Variants in CSDE1 observed in about 807,000 individuals in gnomAD.
CSDE1 encodes cold shock domain containing E1.
In CSDE1, 17 loss-of-function variants were observed where a neutral mutation model predicts 89.3. The ratio of observed to expected loss-of-function variants is 0.19; its 90% confidence interval spans 0.13 to 0.29. The LOEUF (loss-of-function observed/expected upper bound fraction) is 0.29, where lower values mean the gene tolerates loss of function less well. Ranked by LOEUF, CSDE1 falls within the 10% of genes least tolerant of loss-of-function variation. CSDE1 has a pLI of 1.00. For synonymous variants in CSDE1, 322 were observed against 332.8 expected, an observed-to-expected ratio of 0.97 and a Z score of 0.35; for missense variants, 672 against 984.2, an observed-to-expected ratio of 0.68 and a Z score of 4.24.
intron 1 of CSDE1, among the ~76,000 whole-genome samples, chr1:114,751,831 G>A (rs1422161301): frequency 5.3e-5 from 8 of 152,146 alleles, no homozygotes; most frequent in African/African-American, 1.4e-4. Flanking sequence ...AGTTGTGTTA[G>A]TATTTCCCTC....
intron 16 of CSDE1, among the ~76,000 whole-genome samples, chr1:114,723,416 C>T (rs1017705910): frequency 2.4e-4 from 37 of 151,986 alleles, no homozygotes; most frequent in African/African-American, 8.5e-4. Flanking sequence ...GAGCTAGAAA[C>T]GAGAAATAGG....
At chr1:114,739,453 A>G (rs758471625) in intron 3 of CSDE1, among the ~76,000 whole-genome samples, 2 of 152,240 alleles carry the variant, frequency 1.3e-5, no homozygotes, top group Non-Finnish European at 2.9e-5. Flanking sequence ...TCTTACGGGT[A>G]AACAGTCATC....
intron 7 of CSDE1, 74 bp downstream of exon 7, chr1:114,734,368 A>G: frequency 1.5e-6 from 2 of 1,317,162 alleles, no homozygotes; most frequent in Non-Finnish European, 2.1e-6. Context: ...AAAAAAAAAA[A>G]CAAAGGCTGG....
intron 4 of CSDE1, 51 bp downstream of exon 4, chr1:114,737,912 G>T: frequency 8.5e-7 from 1 of 1,182,990 alleles, no homozygotes; most frequent in Non-Finnish European, 1.3e-6. Context: ...TAATGTGAAA[G>T]ATATGCAAAT....
chr1:114,720,051 C>A (rs1659428452), intron 17 of CSDE1, among the ~76,000 whole-genome samples: 1 of 152,224 alleles, frequency 6.6e-6, no homozygotes, highest in Non-Finnish European at 1.5e-5. Flanking sequence ...TGGATCCCCT[C>A]TAGAATTAAG....
rs138627779 is a variant in CSDE1 at position 114,720,661 on chromosome 1, C to T, written c.1930G>A (p.Asp644Asn). 6.2e-7 allele frequency: 1 copy of T among 1,614,186 alleles called. No homozygotes were observed. Among genetic ancestry groups the T allele is most frequent in the Admixed American group, 1.7e-5 (1 of 60,032 alleles). ...ACGCTCTCCCCTTTCTGCAGGCAAT[C>T]CCCTTTGTTGGCCATCCCAACGATG... Reference protein sequence around the residue: ...FGIVGMANKGDCLQKGESVKF... With the variant: ...FGIVGMANKGNCLQKGESVKF... The change falls in exon 17 of 20, where the codon GAT (aspartate) becomes AAT (asparagine). Residue 644 changes from aspartate (D) to asparagine (N), a missense_variant. Physicochemically the swap from Asp to Asn is conservative, Grantham distance 23 (BLOSUM62 1). Around this residue, in one of 8 missense-constraint regions of CSDE1, gnomAD observed 206 missense variants for 332.4 expected, o/e 0.62. Transcript: ENST00000358528.
chr1:114,728,170 A>C (rs1198119372), intron 12 of CSDE1, among the ~76,000 whole-genome samples: 2 of 152,184 alleles, frequency 1.3e-5, no homozygotes, highest in East Asian at 3.8e-4. Context: ...CTCATTTTAC[A>C]AATTGGGGAA....
Position 114,743,066 on chromosome 1 carries a change from A to G in CSDE1, c.1-3176T>C, listed in dbSNP as rs560423816. ...TACATGTTTTTAACTGACAAGCAGT[A>G]TAAAATTAACTTGAGAACCATTATT... is the stretch of plus-strand genomic sequence containing the variant. On this transcript the variant is annotated intron_variant, in intron 2 of 19. Coordinates refer to ENST00000358528, the MANE Select transcript of CSDE1 (RefSeq NM_001007553.3). Among the ~76,000 whole-genome samples, 9 of 152,370 alleles carry G rather than the reference A, an allele frequency of 5.9e-5. No individual in the cohort carries two copies. The East Asian group carries it at 1.5e-3, about 26-fold the overall frequency.
In CSDE1 at chr1:114,726,310, G is replaced by A. The variant is rs1181395556; in HGVS notation, c.1541C>T (p.Ser514Phe). 6.2e-7 allele frequency: 1 copy of A among 1,613,816 alleles called. No homozygotes were observed. The highest frequency in any genetic ancestry group is 8.5e-7 in the Non-Finnish European group (1 of 1,179,884). ...ATCVRLLGRN[S>F]NSKRLLGYVA... The stretch of plus-strand genomic sequence containing the variant: ...ATAACCCAAGAGCCTCTTGGAGTTA[G>A]AATTACGACCTAAAAGTCGCACACA... Residue 514 changes from serine (S) to phenylalanine (F), a missense_variant, in exon 14 of 20, where the codon TCT (serine) becomes TTT (phenylalanine). Transcript: ENST00000358528.
intron 16 of CSDE1, among the ~76,000 whole-genome samples, chr1:114,723,487 G>GA (rs5777204): frequency 2.0e-5 from 3 of 151,848 alleles, no homozygotes; most frequent in South Asian, 2.1e-4. Flanking sequence ...GTGTAGGGGG[G>GA]AAAAAAACAG....
intron 1 of CSDE1, among the ~76,000 whole-genome samples, chr1:114,754,213 G>C (rs951098278): frequency 2.6e-5 from 4 of 151,922 alleles, no homozygotes; most frequent in Non-Finnish European, 4.4e-5. Context: ...GGCTGGTCTC[G>C]AACTCCTGAC....
At position 114,736,822 on chromosome 1, in the gene CSDE1, C is replaced by T; in HGVS notation, c.436G>A (p.Val146Ile). Residue 146 changes from valine (V) to isoleucine (I), a missense_variant, in exon 6 of 20, where the codon GTC becomes ATC. Transcript: ENST00000358528. ...VFYLTYTPEDVEGNVQLETGD... is the reference protein window; with the variant it reads ...VFYLTYTPEDIEGNVQLETGD... ...GTTTCCAGCTGAACGTTCCCTTCGA[C>T]ATCTTCAGGGGTGTAAGTCAGATAA... The T allele has an allele frequency of 6.2e-7, 1 of 1,613,020 alleles. No individual in the cohort carries two copies. The highest frequency in any genetic ancestry group is 8.5e-7 in the Non-Finnish European group (1 of 1,179,452).
At chr1:114,737,654 A>AG in intron 4 of CSDE1, 91 bp from the exon 5 acceptor site, 3 of 887,898 alleles carry the variant, frequency 3.4e-6, no homozygotes, top group Non-Finnish European at 5.4e-6. Context: ...CCTCTATACT[A>AG]TATACAGGGA....
chr1:114,720,476 T>C, intron 17 of CSDE1, 63 bp downstream of exon 17: 1 of 1,381,800 alleles, frequency 7.2e-7, no homozygotes. Context: ...TGAAAATATT[T>C]GAAGGTTTTG....
chr1:114,730,228 C>CA (rs1660027520), intron 12 of CSDE1, 30 bp downstream of exon 12: 1 of 1,604,886 alleles, frequency 6.2e-7, no homozygotes, highest in African/African-American at 1.3e-5. Flanking sequence ...TAAACAGCTA[C>CA]AAAAATCATT....
chr1:114,734,506 G>A lies in CSDE1; in HGVS notation c.518C>T (p.Ala173Val), dbSNP rs985628508. The change falls in exon 7 of 20, where the codon GCT (alanine) becomes GTT (valine). Residue 173 changes from alanine to valine, a missense_variant. Coordinates refer to ENST00000358528, the MANE Select transcript of CSDE1 (RefSeq NM_001007553.3). ...CTTTTTCAACAGCATAATGTTGCGA[G>A]CACTTACAGCACCAGTACTAGAAAA... ...DNNKHTGAVS[A>V]RNIMLLKKKQ... 1 of 1,611,560 alleles carries A rather than the reference G, an allele frequency of 6.2e-7. No individual in the cohort carries two copies. The highest frequency in any genetic ancestry group is 8.5e-7 in the Non-Finnish European group (1 of 1,179,246).
Position 114,720,586 on chromosome 1 carries a change from T to C in CSDE1, c.2005A>G (p.Asn669Asp). ...GTGGCCCTGCGCAGGGGTGTGATGT[T>C]GTAAGCCATAGTTTGTGCATTTTGG... is the stretch of plus-strand genomic sequence containing the variant. ...LGQNAQTMAYNITPLRRATVE... is the reference protein window; with the variant it reads ...LGQNAQTMAYDITPLRRATVE... Residue 669 changes from asparagine (N) to aspartate (D), a missense_variant, in exon 17 of 20, where the codon AAC (asparagine) becomes GAC (aspartate). Physicochemically the swap from Asn to Asp is conservative, Grantham distance 23 (BLOSUM62 1). Coordinates refer to ENST00000358528, the MANE Select transcript of CSDE1 (RefSeq NM_001007553.3). 6.2e-7 allele frequency: 1 copy of C among 1,614,172 alleles called. No homozygotes were observed. The highest frequency in any genetic ancestry group is 8.5e-7 in the Non-Finnish European group (1 of 1,180,024).
intron 16 of CSDE1, among the ~76,000 whole-genome samples, chr1:114,723,330 C>T (rs192417735): frequency 9.2e-5 from 14 of 152,130 alleles, no homozygotes; most frequent in South Asian, 4.1e-4. Context: ...GGGGGAACAG[C>T]GGCACTGGAA....
At chr1:114,740,490 A>G (rs10858051) in intron 2 of CSDE1, among the ~76,000 whole-genome samples, 35,506 of 152,136 alleles carry the variant, frequency 0.23, 4,456 homozygotes, top group Non-Finnish European at 0.25. Context: ...AAACTTCTGA[A>G]ACAACAAAAC....
Sources: allele counts gnomAD v4.1 joint callset (sites outside exome capture counted in the v4.1 genomes callset), GRCh38; gene constraint gnomAD v4.1.1; regional missense constraint gnomAD v4.1.1; transcripts MANE v1.5; gene names NCBI Gene and HGNC (gene_info 2026-07-23, HGNC 2026-07-21).